The following ATP8A2 variants were observed in gnomAD, a reference collection of about 807,000 sequenced individuals.
The protein encoded by ATP8A2 is ATPase phospholipid transporting 8A2, also known as phospholipid-transporting ATPase IB.
Under a neutral mutation model 165.6 loss-of-function variants are expected in ATP8A2, and 100 were observed. The observed-to-expected ratio is 0.60, with a 90% confidence interval of 0.51 to 0.71. The LOEUF is 0.71. Ranked by LOEUF, ATP8A2 falls within the 30% of genes least tolerant of loss-of-function variation. The pLI is 0.00. For synonymous variants in ATP8A2, 543 were observed against 548.8 expected (o/e 0.99, Z 0.15); for missense variants, 1,227 against 1,479.5 (o/e 0.83, Z 2.80).
intron 10 of ATP8A2, among the ~76,000 whole-genome samples, chr13:25,550,657 C>T (rs951135371): frequency 1.9e-4 from 29 of 152,142 alleles, no homozygotes; most frequent in African/African-American, 4.8e-5. Context: ...ATTCTCCTTC[C>T]GTTTCTCCTT....
At chr13:25,459,975 G>A (rs1338346036) in intron 1 of ATP8A2, among the ~76,000 whole-genome samples, 1 of 152,162 alleles carries the variant, frequency 6.6e-6, no homozygotes, top group African/African-American at 2.4e-5. Context: ...GCCGAGGTGG[G>A]CGGATCACCT....
At chr13:25,868,558 A>G (rs641267) in intron 33 of ATP8A2, among the ~76,000 whole-genome samples, 63,365 of 151,978 alleles carry the variant, frequency 0.42, 13,455 homozygotes, top group Admixed American at 0.48. Context: ...TTTTCAACTC[A>G]TACATTTTGT....
chr13:25,952,407 G>A (rs1259500404), intron 33 of ATP8A2, among the ~76,000 whole-genome samples: 1 of 150,174 alleles, frequency 6.7e-6, no homozygotes, highest in East Asian at 2.0e-4. Context: ...CTCCCAGATA[G>A]GGTCACTCTG....
chr13:25,993,343 A>G (rs1239583255), intron 35 of ATP8A2, among the ~76,000 whole-genome samples: 1 of 152,210 alleles, frequency 6.6e-6, no homozygotes, highest in Non-Finnish European at 1.5e-5. Context: ...CTGGCACAAG[A>G]CAGGGTTGCC....
At chr13:25,451,851 G>GTT (rs1389323426) in intron 1 of ATP8A2, among the ~76,000 whole-genome samples, 9 of 26,330 alleles carry the variant, frequency 3.4e-4, no homozygotes, top group Non-Finnish European at 8.1e-4. Context: ...ATACCTTCAT[G>GTT]GTTTTTTTTT....
At chr13:25,571,558 A>G in intron 17 of ATP8A2, 52 bp from the exon 18 acceptor site, 1 of 1,374,236 alleles carries the variant, frequency 7.3e-7, no homozygotes. Context: ...ACTAAACAGA[A>G]TTCTGTCACT....
At chr13:25,697,829 T>C (rs138406941) in intron 24 of ATP8A2, among the ~76,000 whole-genome samples, 77 of 152,362 alleles carry the variant, frequency 5.1e-4, no homozygotes, top group African/African-American at 1.8e-3. Context: ...CCAGGTCATC[T>C]GACCACAATG....
chr13:25,637,350 C>G (rs1418050830), intron 24 of ATP8A2, among the ~76,000 whole-genome samples: 1 of 152,112 alleles, frequency 6.6e-6, no homozygotes, highest in African/African-American at 2.4e-5. Flanking sequence ...AGGGAATTCC[C>G]TTTCCTAGCC....
chr13:25,898,735 G>A (rs566305671), intron 33 of ATP8A2, among the ~76,000 whole-genome samples: 3 of 152,176 alleles, frequency 2.0e-5, no homozygotes, highest in East Asian at 1.9e-4. Context: ...AATGGTGGGC[G>A]CCCCTCCACC....
chr13:25,887,294 A>G (rs1253273851), intron 33 of ATP8A2, among the ~76,000 whole-genome samples: 1 of 152,202 alleles, frequency 6.6e-6, no homozygotes, highest in African/African-American at 2.4e-5. Context: ...AGTTTACACT[A>G]AAGGTATGAC....
intron 33 of ATP8A2, among the ~76,000 whole-genome samples, chr13:25,949,879 C>T (rs9581493): frequency 0.086 from 13,055 of 152,100 alleles, 1,266 homozygotes; most frequent in African/African-American, 0.24. Context: ...AGTTCACTGC[C>T]GCCTCCGCCT....
intron 27 of ATP8A2, among the ~76,000 whole-genome samples, chr13:25,818,726 G>A (rs1951088301): frequency 1.3e-5 from 2 of 152,126 alleles, no homozygotes; most frequent in African/African-American, 4.8e-5. Flanking sequence ...CTTTTAGTGA[G>A]CTTTTCTCTT....
chr13:25,925,012 G>A (rs1954560195), intron 33 of ATP8A2, among the ~76,000 whole-genome samples: 1 of 152,176 alleles, frequency 6.6e-6, no homozygotes, highest in Admixed American at 6.5e-5. Flanking sequence ...ACCAGTCTCA[G>A]ATACGTCTTT....
At chr13:25,614,170 C>G (rs1202907833) in intron 24 of ATP8A2, among the ~76,000 whole-genome samples, 1 of 152,070 alleles carries the variant, frequency 6.6e-6, no homozygotes, top group Non-Finnish European at 1.5e-5. Flanking sequence ...ACCGATTATT[C>G]TTAGGTTTGG....
At chr13:25,485,120 A>C (rs1352771594) in intron 2 of ATP8A2, among the ~76,000 whole-genome samples, 2 of 152,250 alleles carry the variant, frequency 1.3e-5, no homozygotes, top group African/African-American at 2.4e-5. Context: ...ATAATTTCAC[A>C]TAATGACGAT....
At chr13:25,900,588 G>C (rs1300291004) in intron 33 of ATP8A2, among the ~76,000 whole-genome samples, 1 of 152,102 alleles carries the variant, frequency 6.6e-6, no homozygotes, top group African/African-American at 2.4e-5. Context: ...AAAGAGTTTT[G>C]GCTAAAGGTT....
chr13:25,375,142 C>G (rs2032571606), intron 1 of ATP8A2, among the ~76,000 whole-genome samples: 1 of 152,102 alleles, frequency 6.6e-6, no homozygotes, highest in South Asian at 2.1e-4. Context: ...TCCTCTTGCC[C>G]GTATAGTGCT....
chr13:25,751,405 G>C (rs2044150383), intron 25 of ATP8A2, among the ~76,000 whole-genome samples: 2 of 152,166 alleles, frequency 1.3e-5, no homozygotes, highest in African/African-American at 4.8e-5. Flanking sequence ...CTTTAAAATT[G>C]AGTGAAACCT....
intron 25 of ATP8A2, among the ~76,000 whole-genome samples, chr13:25,708,580 C>G (rs1566066652): frequency 1.3e-5 from 2 of 152,086 alleles, no homozygotes; most frequent in South Asian, 2.1e-4. Flanking sequence ...AGTATTCTGC[C>G]TATGACTTTA....
Sources: allele counts gnomAD v4.1 joint callset (sites outside exome capture counted in the v4.1 genomes callset), GRCh38; gene constraint gnomAD v4.1.1; transcripts MANE v1.5; gene names NCBI Gene and HGNC (gene_info 2026-07-23, HGNC 2026-07-21).